Variants in TMC7 observed in about 807,000 individuals in gnomAD.
The protein encoded by TMC7 is transmembrane channel-like protein 7.
A neutral mutation model predicts 82.9 loss-of-function variants in TMC7; 54 were observed. The ratio of observed to expected loss-of-function variants is 0.65; its 90% CI spans 0.52 to 0.82. The LOEUF (loss-of-function observed/expected upper bound fraction) is 0.82, where lower values mean the gene tolerates loss of function less well. Ranked by LOEUF, TMC7 falls within the 40% of genes least tolerant of loss-of-function variation. The pLI is 0.00. For missense variants in TMC7, 820 were observed against 901.2 expected (o/e 0.91, Z 1.15); for synonymous variants, 350 against 337.9 (o/e 1.04, Z -0.39).
At chr16:18,986,623 C>T (rs1462039365) in intron 1 of TMC7, among the ~76,000 whole-genome samples, 1 of 152,122 alleles carries the variant, frequency 6.6e-6, no homozygotes, top group African/African-American at 2.4e-5. Context: ...TCTTCCATCG[C>T]AACCAACAGG....
chr16:19,004,291 G>A (rs1198526457), intron 1 of TMC7, among the ~76,000 whole-genome samples: 1 of 152,050 alleles, frequency 6.6e-6, no homozygotes, highest in Non-Finnish European at 1.5e-5. Flanking sequence ...CCTAGGAGGG[G>A]GTAGGTGGTG....
At chr16:19,026,433 T>C (rs1286139815) in intron 5 of TMC7, among the ~76,000 whole-genome samples, 2 of 149,824 alleles carry the variant, frequency 1.3e-5, no homozygotes, top group African/African-American at 4.9e-5. Flanking sequence ...GCCGAGATCA[T>C]GCCACTGCAC....
chr16:18,992,735 A>C (rs1294261947), intron 1 of TMC7, among the ~76,000 whole-genome samples: 1 of 152,204 alleles, frequency 6.6e-6, no homozygotes, highest in Non-Finnish European at 1.5e-5. Context: ...TTTTAGGTCT[A>C]ACAGTTAAGT....
At chr16:19,041,171 C>T (rs1960996535) in intron 9 of TMC7, among the ~76,000 whole-genome samples, 1 of 151,982 alleles carries the variant, frequency 6.6e-6, no homozygotes, top group African/African-American at 2.4e-5. Flanking sequence ...CCTGGGATTA[C>T]AGGCAAGAGC....
chr16:18,994,451 C>CAAA (rs112762077), intron 1 of TMC7, among the ~76,000 whole-genome samples: 1 of 123,450 alleles, frequency 8.1e-6, no homozygotes, highest in Non-Finnish European at 1.7e-5. Flanking sequence ...AGACTCTTCT[C>CAAA]AAAAAAAAAA....
At chr16:19,038,356 T>C (rs8045943) in intron 8 of TMC7, among the ~76,000 whole-genome samples, 140,033 of 151,862 alleles carry the variant, frequency 0.92, 64,955 homozygotes, top group Non-Finnish European at 0.97. Flanking sequence ...CCACCACGCC[T>C]GGCTAATTTT....
rs985511091 is a variant in TMC7 at position 18,995,633 on chromosome 16, G to A, written c.67+11503G>A. 9.9e-5 allele frequency among the ~76,000 whole-genome samples: 15 copies of A among 152,190 alleles called. 1 individual carries two copies. The highest frequency in any genetic ancestry group is 3.4e-4 in the African/African-American group (14 of 41,436). ...GGCGGTCCTGGAGGAACGCCTGGCC[G>A]CTGCGGTTCAGACGTTTTGAAGTTC... On this transcript the variant is annotated intron_variant, in intron 1 of 15. Coordinates refer to ENST00000304381, the MANE Select transcript of TMC7 (RefSeq NM_024847.4).
intron 2 of TMC7, among the ~76,000 whole-genome samples, chr16:19,011,732 C>T (rs1288362406): frequency 6.6e-6 from 1 of 151,876 alleles, no homozygotes; most frequent in Non-Finnish European, 1.5e-5. Context: ...AAGAAAATAG[C>T]AAAACAAAAT....
chr16:18,989,463 T>A (rs1387613365), intron 1 of TMC7, among the ~76,000 whole-genome samples: 1 of 151,034 alleles, frequency 6.6e-6, no homozygotes, highest in Non-Finnish European at 1.5e-5. Flanking sequence ...GGAAATAACT[T>A]TTCGGCCTCT....
chr16:19,063,235 A>C lies in TMC7; in HGVS notation c.*1392A>C, dbSNP rs1422330168. ...GGTGTCATGGAATTTTGAGTAACCA[A>C]AGATTCATTCCAGTCTCACTTAAAA... On this transcript the variant is annotated 3_prime_UTR_variant, in exon 16 of 16. Coordinates refer to ENST00000304381, the MANE Select transcript of TMC7 (RefSeq NM_024847.4). The C allele has an allele frequency of 6.6e-6, 1 of 152,120 alleles. No homozygotes were observed. Among genetic ancestry groups the C allele is most frequent in the East Asian group, 1.9e-4 (1 of 5,190 alleles). 9.4% of individuals were successfully genotyped at this position (152,120 alleles called of 1,614,324 possible). A position where few individuals can be genotyped will look rare whatever the true frequency, so the allele number is the denominator to read the frequency against.
chr16:19,012,014 C>T (rs1338282934), intron 2 of TMC7: 1 of 151,660 alleles, frequency 6.6e-6, no homozygotes, highest in Non-Finnish European at 1.5e-5. Flanking sequence ...TGGTGGTGCA[C>T]TCCTGTAGTC....
intron 1 of TMC7, among the ~76,000 whole-genome samples, chr16:19,001,497 A>G (rs143297389): frequency 2.5e-4 from 38 of 152,320 alleles, no homozygotes; most frequent in African/African-American, 8.7e-4. Context: ...CCTGGGCAAC[A>G]TAACGAGACC....
intron 1 of TMC7, among the ~76,000 whole-genome samples, chr16:18,988,021 G>A (rs2038882592): frequency 6.6e-6 from 1 of 152,058 alleles, no homozygotes; most frequent in African/African-American, 2.4e-5. Context: ...GCTGGACCTT[G>A]TTTTTAGAGA....
chr16:19,001,914 G>T (rs1416046316), intron 1 of TMC7, among the ~76,000 whole-genome samples: 1 of 152,198 alleles, frequency 6.6e-6, no homozygotes, highest in East Asian at 1.9e-4. Flanking sequence ...GAGAGGCCTG[G>T]ATCCAGTGAC....
chr16:18,997,221 G>A (rs2039058729), intron 1 of TMC7, among the ~76,000 whole-genome samples: 1 of 152,244 alleles, frequency 6.6e-6, no homozygotes, highest in African/African-American at 2.4e-5. Flanking sequence ...TATGTGAAGA[G>A]AACACCAAAC....
rs112985419 is a variant in TMC7, at chr16:19,021,505, T to C, written c.461-124T>C. ...TTAAAGCTAACAATTGAGAAAAAAA[T>C]AAAACGTTTCTTCCTCCTTCCAGCT... On this transcript the variant is annotated intron_variant, in intron 3 of 15. Transcript: ENST00000304381. 3,613 of 1,058,216 alleles carry C rather than the reference T, an allele frequency of 3.4e-3. 58 individuals are homozygous for C. In the African/African-American group the frequency reaches 0.044, roughly 13 times the overall value. 65.6% of individuals were successfully genotyped at this position (1,058,216 alleles called of 1,614,324 possible).
At chr16:19,050,800 C>T (rs1479036410) in intron 12 of TMC7, among the ~76,000 whole-genome samples, 1 of 152,180 alleles carries the variant, frequency 6.6e-6, no homozygotes, top group Non-Finnish European at 1.5e-5. Context: ...CACGCCCGGC[C>T]TCATCCTTCT....
chr16:19,030,338 C>T lies in TMC7; in HGVS notation c.826C>T (p.Leu276=). Residue 276 remains leucine (L), a synonymous_variant, in exon 6 of 16, where the codon CTG becomes TTG. Transcript: ENST00000304381. ...GTATTTGTTAAGCACAATCGCCTCCCTGGCCCTGAGCCTTCTTTGGATAGT... is the reference window on the plus strand; with the variant it reads ...GTATTTGTTAAGCACAATCGCCTCCTTGGCCCTGAGCCTTCTTTGGATAGT... ...LAYLLSTIAS[L]ALSLLWIVKR... is the part of the protein sequence containing the mutation. 6.2e-7 allele frequency: 1 copy of T among 1,613,146 alleles called. No individual in the cohort carries two copies. The highest frequency in any genetic ancestry group is 1.1e-5 in the South Asian group (1 of 90,880).
chr16:19,023,087 G>A (rs772703840), intron 4 of TMC7, 26 bp from the exon 5 acceptor site: 3 of 1,483,516 alleles, frequency 2.0e-6, no homozygotes, highest in Non-Finnish European at 2.8e-6. Flanking sequence ...TGTTTCCACT[G>A]ACATTCTGGT....
Sources: gnomAD v4.1 joint callset for allele counts (sites outside exome capture counted in the v4.1 genomes callset) on GRCh38, gnomAD v4.1.1 for gene constraint, MANE v1.5 for transcripts, NCBI Gene and HGNC (gene_info 2026-07-23, HGNC 2026-07-21) for gene names.